FNDC3A: variants seen among roughly 807,000 people sequenced by gnomAD.
FNDC3A encodes the protein fibronectin type-III domain-containing protein 3A.
Under a neutral mutation model 148.9 loss-of-function variants are expected in FNDC3A, and 32 were observed. The ratio of observed to expected loss-of-function variants is 0.21; its 90% CI spans 0.16 to 0.29. The LOEUF is 0.29. FNDC3A is among the 10% of genes least tolerant of loss of function. The pLI, the probability that FNDC3A is intolerant of heterozygous loss-of-function variation, is 1.00. For missense variants in FNDC3A, 1,191 were observed against 1,452.8 expected (o/e 0.82, Z 2.93); for synonymous variants, 472 against 473.6 (o/e 1.00, Z 0.04).
chr13:49,035,254 A>T (rs1214050760), intron 2 of FNDC3A, among the ~76,000 whole-genome samples: 1 of 152,114 alleles, frequency 6.6e-6, no homozygotes, highest in Admixed American at 6.5e-5. Flanking sequence ...TAAGAGAATT[A>T]AGAACAGATC....
At chr13:49,022,248 A>G (rs534660141) in intron 2 of FNDC3A, among the ~76,000 whole-genome samples, 16 of 152,310 alleles carry the variant, frequency 1.1e-4, no homozygotes, top group African/African-American at 3.8e-4. Flanking sequence ...GACAAACCAG[A>G]AAAAGCAGAG....
At chr13:49,194,801 A>G (rs1394922128) in intron 19 of FNDC3A, among the ~76,000 whole-genome samples, 1 of 151,694 alleles carries the variant, frequency 6.6e-6, no homozygotes, top group Non-Finnish European at 1.5e-5. Flanking sequence ...TTTTTTTCCC[A>G]TTTTCTGAGA....
At chr13:48,996,399 C>G (rs1461483935) in intron 1 of FNDC3A, among the ~76,000 whole-genome samples, 3 of 152,038 alleles carry the variant, frequency 2.0e-5, no homozygotes, top group Non-Finnish European at 4.4e-5. Flanking sequence ...AACCGTGGAT[C>G]AAAAATATTT....
At chr13:49,085,613 A>G (rs1878756303) in intron 3 of FNDC3A, among the ~76,000 whole-genome samples, 1 of 152,204 alleles carries the variant, frequency 6.6e-6, no homozygotes. Context: ...CTTTTGCTGC[A>G]GTTACTATAA....
At chr13:49,033,866 A>G (rs570595591) in intron 2 of FNDC3A, among the ~76,000 whole-genome samples, 67 of 152,198 alleles carry the variant, frequency 4.4e-4, no homozygotes, top group African/African-American at 1.5e-3. Flanking sequence ...ACTTAAAACT[A>G]TTAACCTTTT....
intron 2 of FNDC3A, 42 bp from the exon 3 acceptor site, chr13:49,075,246 CT>C (rs527943506): frequency 7.9e-5 from 96 of 1,208,036 alleles, no homozygotes; most frequent in East Asian, 9.5e-5. Flanking sequence ...TTCTGATTTG[CT>C]TTTTTTTGTT....
chr13:49,128,023 A>G (rs1163051875), intron 4 of FNDC3A, among the ~76,000 whole-genome samples: 1 of 152,154 alleles, frequency 6.6e-6, no homozygotes, highest in Non-Finnish European at 1.5e-5. Flanking sequence ...CTGGGACTAC[A>G]GGTGCGTGCC....
Position 49,188,634 on chromosome 13 carries a change from G to A in FNDC3A, c.1944+1G>A, listed in dbSNP as rs758354341. The A allele has an allele frequency of 6.3e-7, 1 of 1,580,670 alleles. No homozygotes were observed. The highest frequency in any genetic ancestry group is 8.7e-7 in the Non-Finnish European group (1 of 1,149,850). ...CATCAGTGATGGAGGACAGAGTGCG[G>A]TAATACTTATATGTAGATTCTTTTG... On this transcript the variant is annotated splice_donor_variant, in intron 17 of 25. Transcript: ENST00000492622. LOFTEE classifies it high-confidence loss of function.
chr13:48,982,898 A>G (rs994961103), intron 1 of FNDC3A, among the ~76,000 whole-genome samples: 1 of 152,192 alleles, frequency 6.6e-6, no homozygotes, highest in Non-Finnish European at 1.5e-5. Flanking sequence ...AATAGTAGCT[A>G]TCTCCTAATA....
chr13:49,083,459 C>T (rs1878607667), intron 3 of FNDC3A, among the ~76,000 whole-genome samples: 1 of 152,098 alleles, frequency 6.6e-6, no homozygotes, highest in South Asian at 2.1e-4. Context: ...AAGTTCAAAA[C>T]AGATGGTGGT....
In FNDC3A at chr13:49,145,785, A is replaced by G. The variant is rs1307972074; in HGVS notation, c.827A>G (p.Asp276Gly). 1.2e-6 allele frequency: 2 copies of G among 1,613,626 alleles called. No homozygotes were observed. The highest frequency in any genetic ancestry group is 1.7e-6 in the Non-Finnish European group (2 of 1,179,868). Reference protein sequence around the residue: ...LSNIVKPVASDIQARTVVLTW... With the variant: ...LSNIVKPVASGIQARTVVLTW... Reference sequence around the variant, plus strand: ...AATGTTGTATTTTTACAGGCCTCCGACATCCAGGCAAGGACAGTAGTACTT... The same window carrying G: ...AATGTTGTATTTTTACAGGCCTCCGGCATCCAGGCAAGGACAGTAGTACTT... The change falls in exon 8 of 26, where the codon GAC (aspartate) becomes GGC (glycine). Residue 276 changes from aspartate to glycine, a missense_variant. This residue lies in a region of FNDC3A where 426 missense variants were observed against 473.2 expected (regional missense o/e 0.90). Coordinates refer to ENST00000492622, the MANE Select transcript of FNDC3A (RefSeq NM_001079673.2).
At chr13:49,115,064 C>G (rs937603386) in intron 4 of FNDC3A, among the ~76,000 whole-genome samples, 3 of 151,826 alleles carry the variant, frequency 2.0e-5, no homozygotes, top group Admixed American at 2.0e-4. Flanking sequence ...TAGAAATTTG[C>G]TTAGATGTAA....
At chr13:49,137,145 C>G (rs1184452525) in intron 6 of FNDC3A, among the ~76,000 whole-genome samples, 1 of 152,124 alleles carries the variant, frequency 6.6e-6, no homozygotes, top group Non-Finnish European at 1.5e-5. Flanking sequence ...CTTTTTATTT[C>G]TCCCACCTTC....
At position 49,136,668 on chromosome 13, in the gene FNDC3A, T is replaced by C; in HGVS notation, c.760+67T>C. 3 of 1,456,964 alleles carry C rather than the reference T, an allele frequency of 2.1e-6. No homozygotes were observed. In the African/African-American group the frequency reaches 4.2e-5, roughly 20 times the overall value. 90.3% of individuals were successfully genotyped at this position (1,456,964 alleles called of 1,614,324 possible). On this transcript the variant is annotated intron_variant, in intron 6 of 25. Transcript: ENST00000492622. Reference sequence around the variant, plus strand: ...CTCGTGATTTAACCTACTAAAAGTATATTCTAACCTTTCAGTCATTTTGTC... The same window carrying C: ...CTCGTGATTTAACCTACTAAAAGTACATTCTAACCTTTCAGTCATTTTGTC...
chr13:49,134,978 C>T (rs770288689), intron 5 of FNDC3A, among the ~76,000 whole-genome samples: 1 of 150,650 alleles, frequency 6.6e-6, no homozygotes, highest in Non-Finnish European at 1.5e-5. Flanking sequence ...GCCTCAGCCT[C>T]GCGAATAGCT....
intron 3 of FNDC3A, among the ~76,000 whole-genome samples, chr13:49,089,243 T>C (rs1338810876): frequency 6.6e-6 from 1 of 152,230 alleles, no homozygotes; most frequent in Non-Finnish European, 1.5e-5. Flanking sequence ...TTTATATTTA[T>C]CAAAAACCAT....
chr13:49,019,095 G>T (rs1299598574), intron 2 of FNDC3A, among the ~76,000 whole-genome samples: 3 of 152,270 alleles, frequency 2.0e-5, no homozygotes, highest in African/African-American at 4.8e-5. Flanking sequence ...GCCTACAGCG[G>T]CAGGCAGGCC....
intron 3 of FNDC3A, chr13:49,110,528 T>G: frequency 1.4e-6 from 1 of 737,684 alleles, no homozygotes; most frequent in Admixed American, 2.2e-5. Flanking sequence ...TAAAATATTT[T>G]AAATTGTTGC....
intron 17 of FNDC3A, 54 bp downstream of exon 17, chr13:49,188,687 G>A (rs1885719110): frequency 1.8e-6 from 2 of 1,117,692 alleles, no homozygotes; most frequent in Admixed American, 1.8e-5. Flanking sequence ...GCCAAATGGG[G>A]TAGGATCACC....
Sources: gnomAD v4.1 joint callset for allele counts (sites outside exome capture counted in the v4.1 genomes callset) on GRCh38, gnomAD v4.1.1 for gene constraint, gnomAD v4.1.1 regional missense constraint, MANE v1.5 for transcripts, NCBI Gene and HGNC (gene_info 2026-07-23, HGNC 2026-07-21) for gene names.